The following ENPEP variants were observed in gnomAD, a reference collection of about 807,000 sequenced individuals.
The protein encoded by ENPEP is AP-A.
ENPEP carries 103 observed loss-of-function variants against 114.5 expected under a neutral mutation model. That is an observed-to-expected ratio of 0.90 (90% CI 0.77 to 1.06). ENPEP has a LOEUF of 1.06. Ranked by LOEUF, ENPEP falls within the 50% of genes least tolerant of loss-of-function variation. The probability of loss-of-function intolerance (pLI) is 0.00; values close to 1 mark genes in which losing one functional copy is unlikely to be tolerated. For missense variants in ENPEP, 1,196 were observed against 1,161.3 expected (o/e 1.03, Z -0.43); for synonymous variants, 420 against 422.0 (o/e 1.00, Z 0.06).
chr4:110,540,168 A>G lies in ENPEP; in HGVS notation c.1808-2583A>G, dbSNP rs140188586. Among the ~76,000 whole-genome samples the G allele has an allele frequency of 7.7e-3, 1,173 of 152,286 alleles. 8 individuals carry two copies. The highest frequency in any genetic ancestry group is 0.027 in the African/African-American group (1,127 of 41,572). ...ATATGTCCATTAAACTTAGATTTCC[A>G]AATATATAAAATGAAATTGCAAGGT... is the stretch of plus-strand genomic sequence containing the variant. On this transcript the variant is annotated intron_variant, in intron 11 of 19. Coordinates refer to ENST00000265162, the MANE Select transcript of ENPEP (RefSeq NM_001977.4).
chr4:110,534,118 T>C (rs1726516256), intron 11 of ENPEP, among the ~76,000 whole-genome samples: 3 of 152,140 alleles, frequency 2.0e-5, no homozygotes, highest in South Asian at 4.1e-4. Flanking sequence ...ATGTCCTGAG[T>C]GTACTAAATG....
Position 110,564,418 on chromosome 4 carries a change from A to G in ENPEP, c.*2860A>G, listed in dbSNP as rs1727765919. On this transcript the variant is annotated 3_prime_UTR_variant, in exon 20 of 20. Coordinates refer to ENST00000265162, the MANE Select transcript of ENPEP (RefSeq NM_001977.4). Reference sequence around the variant, plus strand: ...TAACCTCTCCATTGTTGTTTCATCTATAAAGTAAGGATCAAAATAGTAGCT... The same window carrying G: ...TAACCTCTCCATTGTTGTTTCATCTGTAAAGTAAGGATCAAAATAGTAGCT... 6.6e-6 allele frequency: 1 copy of G among 152,236 alleles called. No individual in the cohort carries two copies. The highest frequency in any genetic ancestry group is 6.5e-5 in the Admixed American group (1 of 15,288). The allele number at this position is 152,236 out of a possible 1,614,324, so 9.4% of individuals were successfully genotyped here.
intron 3 of ENPEP, chr4:110,506,190 GAC>G (rs1725362788): frequency 6.6e-6 from 1 of 151,364 alleles, no homozygotes; most frequent in African/African-American, 2.5e-5. Flanking sequence ...TAGGACAAAT[GAC>G]ACAGAGAGAA....
chr4:110,519,831 A>T (rs1725915114), intron 8 of ENPEP, among the ~76,000 whole-genome samples, 177 bp from the exon 9 acceptor site: 1 of 152,234 alleles, frequency 6.6e-6, no homozygotes, highest in Admixed American at 6.5e-5. Flanking sequence ...ATGATACATG[A>T]ACATTGTATG....
rs1233751656 is a variant in ENPEP at position 110,561,407 on chromosome 4, T to C, written c.2723T>C (p.Met908Thr). ...TAATTACTCCCCTCTCTTTTCTAGA[T>C]GGAGAGCTTTTTTGCAAAATATCCA... The part of the protein sequence containing the change: ...PFNTELQLWQ[M>T]ESFFAKYPQA... The change falls in exon 20 of 20, where the codon ATG (methionine) becomes ACG (threonine). Residue 908 changes from methionine to threonine, a missense_variant and splice_region_variant. By Grantham distance (81) the Met-to-Thr change is moderately conservative. Transcript: ENST00000265162. 3.7e-6 allele frequency: 6 copies of C among 1,613,588 alleles called. No individual in the cohort carries two copies. The highest frequency in any genetic ancestry group is 2.2e-5 in the South Asian group (2 of 90,986).
Position 110,542,751 on chromosome 4 carries a change from G to A in ENPEP, c.1808G>A (p.Gly603Glu), listed in dbSNP as rs753199926. The A allele has an allele frequency of 1.2e-6, 2 of 1,610,834 alleles. No homozygotes were observed. Among genetic ancestry groups the A allele is most frequent in the Admixed American group, 3.3e-5 (2 of 59,738 alleles). Reference protein sequence around the residue: ...SVLFNRSEKEGITLNSSNPSG... With the variant: ...SVLFNRSEKEEITLNSSNPSG... ...CATTAGTGTTTATTTACTACTACAG[G>A]AATCACTTTGAACTCCTCTAATCCT... The change falls in exon 12 of 20, where the codon GGA becomes GAA. Residue 603 changes from glycine (G) to glutamate (E), a missense_variant and splice_region_variant. By Grantham distance (98) the Gly-to-Glu change is moderately conservative. Transcript: ENST00000265162.
chr4:110,515,849 T>C, intron 8 of ENPEP: 1 of 455,822 alleles, frequency 2.2e-6, no homozygotes, highest in Non-Finnish European at 4.4e-6. Flanking sequence ...TCTTCCGGGC[T>C]TGCAGATGGT....
At chr4:110,483,761 T>C (rs1369065794) in intron 1 of ENPEP, among the ~76,000 whole-genome samples, 1 of 152,218 alleles carries the variant, frequency 6.6e-6, no homozygotes, top group East Asian at 1.9e-4. Flanking sequence ...CCTGAACATA[T>C]TGTGCTATTA....
chr4:110,542,908 G>A lies in ENPEP; in HGVS notation c.1944+21G>A, dbSNP rs1314098584. On this transcript the variant is annotated intron_variant, in intron 12 of 19. Transcript: ENST00000265162. ...ACAAGGTAAGAGATAGCAATGGTTG[G>A]AAACTTTTATTTTTGTTCTAAGAAC... The A allele has an allele frequency of 1.9e-6, 3 of 1,610,472 alleles. No individual in the cohort carries two copies. The South Asian group carries it at 3.3e-5, about 18-fold the overall frequency.
chr4:110,548,138 AGTTTTTTTT>A, intron 13 of ENPEP, 29 bp from the exon 14 acceptor site: 4 of 1,102,974 alleles, frequency 3.6e-6, no homozygotes, highest in Non-Finnish European at 4.5e-6. Context: ...ATTAACTGTG[AGTTTTTTTT>A]TTTTTTTTTT....
At chr4:110,557,210 C>T (rs1410159551) in intron 18 of ENPEP, among the ~76,000 whole-genome samples, 1 of 152,184 alleles carries the variant, frequency 6.6e-6, no homozygotes, top group East Asian at 1.9e-4. Flanking sequence ...AAAGACATAA[C>T]ATGTCATAGA....
At chr4:110,544,009 A>G (rs1464399813) in intron 13 of ENPEP, among the ~76,000 whole-genome samples, 1 of 152,136 alleles carries the variant, frequency 6.6e-6, no homozygotes, top group Non-Finnish European at 1.5e-5. Flanking sequence ...TACTGACTAA[A>G]TAGAGAGGTG....
intron 8 of ENPEP, among the ~76,000 whole-genome samples, chr4:110,518,048 T>C (rs906982172): frequency 1.3e-5 from 2 of 152,218 alleles, no homozygotes; most frequent in Non-Finnish European, 2.9e-5. Context: ...GACTCTTTAT[T>C]AGCTAACCTG....
chr4:110,515,210 G>A (rs905032795), intron 7 of ENPEP, among the ~76,000 whole-genome samples, 167 bp from the exon 8 acceptor site: 4 of 152,180 alleles, frequency 2.6e-5, no homozygotes, highest in Non-Finnish European at 5.9e-5. Flanking sequence ...ACTGTGCCAA[G>A]TGGTATTTTC....
In ENPEP at chr4:110,553,304, G is replaced by A. The variant is rs771087077; in HGVS notation, c.2502-11G>A. ...TCACTTTGAATTGTTTTTCTGTTTG[G>A]CTTCTCTTAGGTATTTGGATTTGCT... On this transcript the variant is annotated splice_polypyrimidine_tract_variant and intron_variant, in intron 17 of 19. Transcript: ENST00000265162. 6.5e-7 allele frequency: 1 copy of A among 1,548,536 alleles called. No homozygotes were observed. Among genetic ancestry groups the A allele is most frequent in the Admixed American group, 1.7e-5 (1 of 57,316 alleles).
At chr4:110,478,366 A>AT (rs1249311551) in intron 1 of ENPEP, among the ~76,000 whole-genome samples, 3 of 152,238 alleles carry the variant, frequency 2.0e-5, no homozygotes, top group Admixed American at 1.3e-4. Flanking sequence ...CCATTTACGT[A>AT]TTTTTTCTGT....
intron 19 of ENPEP, among the ~76,000 whole-genome samples, chr4:110,560,481 GAAAT>G (rs1342608095): frequency 1.3e-5 from 2 of 152,080 alleles, no homozygotes; most frequent in African/African-American, 4.8e-5. Context: ...AGTGAATTGA[GAAAT>G]AATTCTTGTA....
intron 3 of ENPEP, among the ~76,000 whole-genome samples, chr4:110,500,526 A>G (rs972290726): frequency 1.3e-5 from 2 of 152,348 alleles, no homozygotes; most frequent in African/African-American, 4.8e-5. Flanking sequence ...TTGAAGACTT[A>G]TAAACTTCAT....
At chr4:110,532,796 C>A (rs116756257) in intron 11 of ENPEP, among the ~76,000 whole-genome samples, 1,577 of 151,860 alleles carry the variant, frequency 0.01, 28 homozygotes, top group African/African-American at 0.036. Flanking sequence ...ATATCGTGAT[C>A]AAAAAAAATT....
Sources: allele counts gnomAD v4.1 joint callset (sites outside exome capture counted in the v4.1 genomes callset), GRCh38; gene constraint gnomAD v4.1.1; transcripts MANE v1.5; gene names NCBI Gene and HGNC (gene_info 2026-07-23, HGNC 2026-07-21).